ZNF804A: variants seen among roughly 807,000 people sequenced by gnomAD.
ZNF804A encodes the protein zinc finger protein 804A.
In ZNF804A, 2 loss-of-function variants were observed where a neutral mutation model predicts 16.5. The ratio of observed to expected loss-of-function variants is 0.12; its 90% CI spans 0.05 to 0.38. The LOEUF is 0.38. Among genes scored for constraint, ZNF804A ranks in the 10% least tolerant of loss-of-function variants. The pLI is 0.99. For missense variants in ZNF804A, 1,473 were observed against 1,390.7 expected, an observed-to-expected ratio of 1.06 and a Z score of -0.94; for synonymous variants, 534 against 489.6, an observed-to-expected ratio of 1.09 and a Z score of -1.20.
At chr2:184,637,027 T>A (rs1251534120) in intron 1 of ZNF804A, among the ~76,000 whole-genome samples, 1 of 152,184 alleles carries the variant, frequency 6.6e-6, no homozygotes, top group African/African-American at 2.4e-5. Flanking sequence ...ATTTTTAAAT[T>A]GCTTTCATAG....
chr2:184,906,953 C>T (rs575011905), intron 2 of ZNF804A, among the ~76,000 whole-genome samples: 2 of 152,274 alleles, frequency 1.3e-5, no homozygotes, highest in South Asian at 2.1e-4. Flanking sequence ...AATGAGGCAG[C>T]ATGCAGTAGA....
chr2:184,718,387 C>G (rs1160183183), intron 1 of ZNF804A, among the ~76,000 whole-genome samples: 1 of 152,128 alleles, frequency 6.6e-6, no homozygotes, highest in African/African-American at 2.4e-5. Context: ...CCTCACATTT[C>G]AAAACCAATC....
chr2:184,679,385 G>T (rs1376415615), intron 1 of ZNF804A, among the ~76,000 whole-genome samples: 1 of 152,222 alleles, frequency 6.6e-6, no homozygotes, highest in African/African-American at 2.4e-5. Flanking sequence ...CATGACCAGG[G>T]ATGCATGCTC....
chr2:184,913,307 T>A (rs1441172944), intron 2 of ZNF804A, among the ~76,000 whole-genome samples: 1 of 152,148 alleles, frequency 6.6e-6, no homozygotes, highest in African/African-American at 2.4e-5. Context: ...AGAGTTAAAA[T>A]ACAATTATAC....
At chr2:184,849,724 C>T (rs1438426393) in intron 1 of ZNF804A, among the ~76,000 whole-genome samples, 3 of 151,926 alleles carry the variant, frequency 2.0e-5, no homozygotes, top group Non-Finnish European at 2.9e-5. Flanking sequence ...TTCAGCAATC[C>T]CAGTGCTAGG....
rs1171451229 is a variant in ZNF804A, at chr2:184,925,531, G to C, written c.256-8072G>C. Among the ~76,000 whole-genome samples, 5 of 151,780 alleles carry C rather than the reference G, an allele frequency of 3.3e-5. No individual in the cohort carries two copies. In the East Asian group the frequency reaches 7.7e-4, roughly 24 times the overall value. ...CTTTTGATTGGAGAGTTTAGTCCAT[G>C]TATGCTTAATGTTATTATTGATAAG... On this transcript the variant is annotated intron_variant, in intron 2 of 3. Coordinates refer to ENST00000302277, the MANE Select transcript of ZNF804A (RefSeq NM_194250.2).
chr2:184,899,631 A>G (rs1195126010), intron 2 of ZNF804A, among the ~76,000 whole-genome samples: 7 of 152,042 alleles, frequency 4.6e-5, no homozygotes, highest in African/African-American at 1.7e-4. Flanking sequence ...ATCCTCTTAT[A>G]ATAGTCTAGT....
chr2:184,902,981 T>C (rs1026170942), intron 2 of ZNF804A, among the ~76,000 whole-genome samples: 3 of 152,182 alleles, frequency 2.0e-5, no homozygotes, highest in Non-Finnish European at 4.4e-5. Flanking sequence ...GTGTCCCTCA[T>C]TTAGTAAGCA....
At chr2:184,682,870 T>C (rs997187487) in intron 1 of ZNF804A, among the ~76,000 whole-genome samples, 1 of 152,082 alleles carries the variant, frequency 6.6e-6, no homozygotes, top group East Asian at 1.9e-4. Flanking sequence ...TAACCCAGCA[T>C]GGTGGTGTAC....
At position 184,902,741 on chromosome 2, in the gene ZNF804A, A is replaced by C. The variant is rs184018179; in HGVS notation, c.256-30862A>C. The stretch of plus-strand genomic sequence containing the variant: ...CTTTTTTTTACCTTATAAAAACCAT[A>C]AATCTTGTGACTGATGTTGTTTCTA... On this transcript the variant is annotated intron_variant, in intron 2 of 3. Transcript: ENST00000302277. 3.9e-5 allele frequency among the ~76,000 whole-genome samples: 6 copies of C among 152,192 alleles called. No individual in the cohort carries two copies. The East Asian group carries it at 1.2e-3, about 29-fold the overall frequency.
At chr2:184,882,729 A>T (rs1684827676) in intron 2 of ZNF804A, among the ~76,000 whole-genome samples, 1 of 152,030 alleles carries the variant, frequency 6.6e-6, no homozygotes, top group Admixed American at 6.6e-5. Flanking sequence ...TCAAGAAATT[A>T]CTTGAAACTA....
At chr2:184,678,423 CT>C (rs1442707146) in intron 1 of ZNF804A, among the ~76,000 whole-genome samples, 9 of 152,078 alleles carry the variant, frequency 5.9e-5, no homozygotes, top group African/African-American at 2.2e-4. Context: ...CTATTTCCTA[CT>C]ATCCACTTTT....
At chr2:184,767,619 A>T (rs72901889) in intron 1 of ZNF804A, among the ~76,000 whole-genome samples, 7,671 of 152,254 alleles carry the variant, frequency 0.05, 254 homozygotes, top group Middle Eastern at 0.078. Context: ...TGTCAAACAA[A>T]CAAAAGTCAC....
chr2:184,706,741 ATG>A (rs1467935254), intron 1 of ZNF804A, among the ~76,000 whole-genome samples: 1 of 152,138 alleles, frequency 6.6e-6, no homozygotes, highest in Admixed American at 6.5e-5. Context: ...ATTGCACTCT[ATG>A]TTTCATTATT....
At chr2:184,726,470 T>C (rs1376760936) in intron 1 of ZNF804A, among the ~76,000 whole-genome samples, 2 of 151,650 alleles carry the variant, frequency 1.3e-5, no homozygotes, top group East Asian at 3.8e-4. Context: ...AAAATTCTGC[T>C]ACATTATCAG....
chr2:184,721,426 T>G (rs968681470), intron 1 of ZNF804A, among the ~76,000 whole-genome samples: 13 of 151,902 alleles, frequency 8.6e-5, no homozygotes, highest in Non-Finnish European at 1.8e-4. Context: ...CAAAGGACAT[T>G]CATAGATATT....
intron 1 of ZNF804A, among the ~76,000 whole-genome samples, chr2:184,722,753 T>C (rs55704580): frequency 0.067 from 10,117 of 152,016 alleles, 1,162 homozygotes; most frequent in African/African-American, 0.23. Context: ...CATTTATCTT[T>C]TCTAGATGTG....
intron 2 of ZNF804A, among the ~76,000 whole-genome samples, chr2:184,878,770 T>C (rs187647652): frequency 3.9e-5 from 6 of 152,186 alleles, no homozygotes; most frequent in African/African-American, 1.4e-4. Context: ...TTTCACCCAA[T>C]ATGGTTACAT....
intron 1 of ZNF804A, among the ~76,000 whole-genome samples, chr2:184,678,497 T>G (rs879839157): frequency 6.6e-6 from 1 of 152,156 alleles, no homozygotes; most frequent in Admixed American, 6.6e-5. Flanking sequence ...AATATTTAAA[T>G]GTACTTGAAA....
Sources: allele counts gnomAD v4.1 joint callset (sites outside exome capture counted in the v4.1 genomes callset), GRCh38; gene constraint gnomAD v4.1.1; transcripts MANE v1.5; gene names NCBI Gene and HGNC (gene_info 2026-07-23, HGNC 2026-07-21).